KCNMB2: variants seen among roughly 807,000 people sequenced by gnomAD.
The protein encoded by KCNMB2 is calcium-activated potassium channel subunit beta-2.
KCNMB2 carries 9 observed loss-of-function variants against 24.5 expected under a neutral mutation model. That is an observed-to-expected ratio of 0.37 (90% CI 0.22 to 0.64). KCNMB2 has a LOEUF of 0.64. Ranked by LOEUF, KCNMB2 falls within the 30% of genes least tolerant of loss-of-function variation. KCNMB2 has a pLI of 0.63. For synonymous variants in KCNMB2, 109 were observed against 104.4 expected (o/e 1.04, Z -0.27); for missense variants, 226 against 284.3 (o/e 0.79, Z 1.47).
chr3:178,569,993 T>C (rs140255226), intron 1 of KCNMB2, among the ~76,000 whole-genome samples: 149 of 152,342 alleles, frequency 9.8e-4, no homozygotes, highest in African/African-American at 3.1e-3. Context: ...GCAATATTAT[T>C]TCTCTACTCC....
chr3:178,540,946 A>G (rs756599849), intron 1 of KCNMB2, among the ~76,000 whole-genome samples: 1 of 152,220 alleles, frequency 6.6e-6, no homozygotes, highest in Non-Finnish European at 1.5e-5. Context: ...TCTCTTATGT[A>G]GTAGGCACTT....
chr3:178,823,524 G>A (rs566872912), intron 2 of KCNMB2, among the ~76,000 whole-genome samples: 1 of 152,094 alleles, frequency 6.6e-6, no homozygotes, highest in Non-Finnish European at 1.5e-5. Flanking sequence ...ATAATAATAA[G>A]AAGAAGCTAA....
At chr3:178,725,753 C>T (rs1235390371) in intron 1 of KCNMB2, among the ~76,000 whole-genome samples, 2 of 151,988 alleles carry the variant, frequency 1.3e-5, no homozygotes, top group East Asian at 1.9e-4. Flanking sequence ...TTAATATAAA[C>T]ATGTCCATTT....
intron 1 of KCNMB2, among the ~76,000 whole-genome samples, chr3:178,664,773 TGGCATCC>T (rs1355600450): frequency 6.6e-6 from 1 of 152,024 alleles, no homozygotes; most frequent in East Asian, 1.9e-4. Context: ...ACGTAAATAA[TGGCATCC>T]TTCTTAAAGA....
intron 2 of KCNMB2, among the ~76,000 whole-genome samples, chr3:178,814,377 CTT>C (rs1326044705): frequency 6.6e-6 from 1 of 152,116 alleles, no homozygotes; most frequent in Non-Finnish European, 1.5e-5. Context: ...TTGATGAACA[CTT>C]AGGTTGATTC....
intron 1 of KCNMB2, among the ~76,000 whole-genome samples, chr3:178,791,275 A>C (rs567971524): frequency 4.6e-5 from 7 of 152,242 alleles, no homozygotes; most frequent in Non-Finnish European, 1.0e-4. Context: ...TTTAACAAAG[A>C]GATTGAAATA....
intron 1 of KCNMB2, among the ~76,000 whole-genome samples, chr3:178,647,990 GTCTTT>G (rs1328832136): frequency 2.6e-4 from 39 of 152,014 alleles, no homozygotes; most frequent in African/African-American, 7.0e-4. Context: ...AGTACATATT[GTCTTT>G]TCTTTTTTCT....
At chr3:178,802,830 T>C (rs1164251117) in intron 1 of KCNMB2, among the ~76,000 whole-genome samples, 1 of 148,476 alleles carries the variant, frequency 6.7e-6, no homozygotes, top group Admixed American at 6.7e-5. Context: ...TTTATCACCC[T>C]ATGTCTCAGA....
chr3:178,565,632 C>T (rs1184662925), intron 1 of KCNMB2, among the ~76,000 whole-genome samples: 3 of 152,180 alleles, frequency 2.0e-5, no homozygotes, highest in African/African-American at 7.2e-5. Flanking sequence ...GCAGGTCTAA[C>T]TATTCGATTG....
chr3:178,621,348 A>G (rs184913946), intron 1 of KCNMB2, among the ~76,000 whole-genome samples: 199 of 148,886 alleles, frequency 1.3e-3, no homozygotes, highest in Non-Finnish European at 9.4e-4. Context: ...TTGCCCAACT[A>G]GGGATTCCTC....
chr3:178,589,421 C>T (rs1357056958), intron 1 of KCNMB2, among the ~76,000 whole-genome samples: 1 of 152,176 alleles, frequency 6.6e-6, no homozygotes, highest in Non-Finnish European at 1.5e-5. Context: ...ATCACAGGGA[C>T]TCACACCATG....
In KCNMB2 at chr3:178,754,150, GTATATA is replaced by G. The variant is rs755809548; in HGVS notation, c.-67-53170_-67-53165del. Among the ~76,000 whole-genome samples, 373 of 106,272 alleles carry G rather than the reference GTATATA, an allele frequency of 3.5e-3. 6 individuals are homozygous for G. The highest frequency in any genetic ancestry group is 0.013 in the African/African-American group (338 of 26,586). 69.7% of individuals were successfully genotyped at this position (106,272 alleles called of 152,430 possible). On this transcript the variant is annotated intron_variant, in intron 1 of 4. Transcript: ENST00000452583. ...TTTCATGGCTGAATAATATTCCATT[GTATATA>G]TATATATATATATATATATATACAC...
chr3:178,586,523 C>CTTTTT (rs1160913551), intron 1 of KCNMB2, among the ~76,000 whole-genome samples: 1 of 61,818 alleles, frequency 1.6e-5, no homozygotes, highest in Non-Finnish European at 3.7e-5. Context: ...ATTTTCTTTT[C>CTTTTT]TTTTTTTTTT....
intron 1 of KCNMB2, among the ~76,000 whole-genome samples, chr3:178,573,979 C>T (rs1467030699): frequency 6.6e-6 from 1 of 151,952 alleles, no homozygotes; most frequent in Non-Finnish European, 1.5e-5. Flanking sequence ...CTTCACAGAG[C>T]GAGGTTGCTG....
intron 1 of KCNMB2, among the ~76,000 whole-genome samples, chr3:178,632,998 T>C (rs991978699): frequency 6.6e-6 from 1 of 152,150 alleles, no homozygotes; most frequent in Non-Finnish European, 1.5e-5. Flanking sequence ...CATTAAACCT[T>C]AAAGTTACAA....
At chr3:178,795,954 T>C (rs1713526249) in intron 1 of KCNMB2, among the ~76,000 whole-genome samples, 1 of 152,214 alleles carries the variant, frequency 6.6e-6, no homozygotes, top group Non-Finnish European at 1.5e-5. Context: ...TGTGTATCAC[T>C]GTCCTGGTGT....
chr3:178,598,052 C>CA (rs57155254), intron 1 of KCNMB2, among the ~76,000 whole-genome samples: 4,808 of 140,688 alleles, frequency 0.034, 128 homozygotes, highest in African/African-American at 0.072. Context: ...AAAAACAAAA[C>CA]AAAAAAAAAA....
intron 1 of KCNMB2, among the ~76,000 whole-genome samples, chr3:178,692,077 A>G (rs929004323): frequency 6.6e-6 from 1 of 151,942 alleles, no homozygotes; most frequent in Non-Finnish European, 1.5e-5. Context: ...ATGTCTGCCC[A>G]ATTTTTAATG....
intron 2 of KCNMB2, among the ~76,000 whole-genome samples, chr3:178,809,870 A>G (rs963165019): frequency 3.3e-5 from 5 of 152,248 alleles, no homozygotes; most frequent in Admixed American, 2.0e-4. Flanking sequence ...CTACGAAGAA[A>G]TCATTTTTCA....
Sources: gnomAD v4.1 joint callset for allele counts (sites outside exome capture counted in the v4.1 genomes callset) on GRCh38, gnomAD v4.1.1 for gene constraint, MANE v1.5 for transcripts, NCBI Gene and HGNC (gene_info 2026-07-23, HGNC 2026-07-21) for gene names.